The following TEX9 variants were observed in gnomAD, a reference collection of about 807,000 sequenced individuals.
The protein encoded by TEX9 is testis expressed 9.
TEX9 carries 74 observed loss-of-function variants against 59.6 expected under a neutral mutation model. The ratio of observed to expected loss-of-function variants is 1.24; its 90% CI spans 1.03 to 1.51. The LOEUF (loss-of-function observed/expected upper bound fraction) is 1.51. Among genes scored for constraint, TEX9 ranks in the 40% most tolerant of loss-of-function variants. The probability of loss-of-function intolerance (pLI) is 0.00; values close to 1 mark genes in which losing one functional copy is unlikely to be tolerated. For synonymous variants in TEX9, 186 were observed against 152.2 expected (o/e 1.22, Z -1.64); for missense variants, 522 against 447.8 (o/e 1.17, Z -1.49).
intron 1 of TEX9, among the ~76,000 whole-genome samples, chr15:56,292,710 T>C (rs1405744992): frequency 7.2e-5 from 11 of 152,180 alleles, no homozygotes; most frequent in Non-Finnish European, 1.5e-5. Context: ...CACTAGGAGC[T>C]GCCTTACCTA....
At chr15:56,284,911 A>G (rs2044912709) in intron 1 of TEX9, among the ~76,000 whole-genome samples, 1 of 152,140 alleles carries the variant, frequency 6.6e-6, no homozygotes, top group Non-Finnish European at 1.5e-5. Flanking sequence ...TATTCTCTAT[A>G]TGATTTTAAT....
chr15:56,261,129 T>C (rs2044255263), intron 1 of TEX9, among the ~76,000 whole-genome samples: 1 of 152,180 alleles, frequency 6.6e-6, no homozygotes, highest in Non-Finnish European at 1.5e-5. Context: ...TGATTGGTCT[T>C]GCTAAGAGTT....
chr15:56,313,690 TTTTC>T (rs1223089288), intron 1 of TEX9, among the ~76,000 whole-genome samples: 1 of 138,782 alleles, frequency 7.2e-6, no homozygotes, highest in Non-Finnish European at 1.6e-5. Context: ...GATTCCCTCT[TTTTC>T]TATTGATTGG....
rs143164153 is a variant in TEX9, at chr15:56,306,296, A to G, written c.-107+62018A>G. 9.5e-3 allele frequency among the ~76,000 whole-genome samples: 1,422 copies of G among 149,698 alleles called. 22 individuals are homozygous for G. Among genetic ancestry groups the G allele is most frequent in the African/African-American group, 0.033 (1,353 of 40,750 alleles). ...AAAAAAAAGGAAATCAGTGTATCAA[A>G]GAGATATCTGCACTTCCATGTGCAT... On this transcript the variant is annotated intron_variant, in intron 1 of 5. Coordinates refer to the TEX9 transcript ENST00000560827.
chr15:56,395,449 T>C (rs2048421542), intron 9 of TEX9: 1 of 152,186 alleles, frequency 6.6e-6, no homozygotes, highest in East Asian at 1.9e-4. Flanking sequence ...TGTACAAGTT[T>C]TTGTGTGCAC....
At chr15:56,357,760 T>G (rs1360295889) in intron 1 of TEX9, among the ~76,000 whole-genome samples, 1 of 152,182 alleles carries the variant, frequency 6.6e-6, no homozygotes, top group Non-Finnish European at 1.5e-5. Context: ...ATTTATCATA[T>G]TTGCCTGGTC....
At chr15:56,431,317 G>GTT (rs555590139) in intron 12 of TEX9, 1 of 1,576,952 alleles carries the variant, frequency 6.3e-7, no homozygotes, top group South Asian at 1.2e-5. Context: ...CAAATACCAT[G>GTT]TTTTTTTCAC....
At chr15:56,460,007 A>AT in the TEX9 span, among the ~76,000 whole-genome samples, 1 of 27,634 alleles carries the variant, frequency 3.6e-5, no homozygotes, top group African/African-American at 1.3e-4. Context: ...AAAAAAAAAA[A>AT]AAATACATAT....
chr15:56,444,623 T>G (rs1278794415), intron 12 of TEX9: 3 of 1,613,418 alleles, frequency 1.9e-6, no homozygotes, highest in Non-Finnish European at 2.5e-6. Context: ...CTTCCTTTAT[T>G]ATTCTCTTGT....
At chr15:56,370,145 A>G (rs1016511545) in intron 2 of TEX9, among the ~76,000 whole-genome samples, 7 of 152,064 alleles carry the variant, frequency 4.6e-5, no homozygotes, top group Non-Finnish European at 8.8e-5. Flanking sequence ...ATTTTCTATT[A>G]TGTCTTGTCT....
chr15:56,414,446 G>A (rs1278807628), intron 10 of TEX9, among the ~76,000 whole-genome samples: 2 of 151,530 alleles, frequency 1.3e-5, no homozygotes, highest in African/African-American at 4.9e-5. Flanking sequence ...TTTGTGTTCT[G>A]TAAGTTCTTA....
At chr15:56,256,545 A>G (rs1460897667) in intron 1 of TEX9, among the ~76,000 whole-genome samples, 2 of 152,058 alleles carry the variant, frequency 1.3e-5, no homozygotes, top group Non-Finnish European at 2.9e-5. Flanking sequence ...GGAAAAAAAC[A>G]TGAATAAAAT....
chr15:56,413,642 T>C (rs1176128044), intron 10 of TEX9, among the ~76,000 whole-genome samples: 1 of 151,778 alleles, frequency 6.6e-6, no homozygotes, highest in Non-Finnish European at 1.5e-5. Context: ...AGTAGAATTA[T>C]ACCATATTTG....
intron 3 of TEX9, among the ~76,000 whole-genome samples, chr15:56,377,382 A>T (rs1341099457): frequency 6.6e-6 from 1 of 152,282 alleles, no homozygotes. Context: ...TTTCTAATCC[A>T]TGAACTGGAA....
At chr15:56,405,284 G>T (rs1303873123) in intron 9 of TEX9, among the ~76,000 whole-genome samples, 1 of 150,120 alleles carries the variant, frequency 6.7e-6, no homozygotes, top group African/African-American at 2.5e-5. Context: ...TCCAGCCTGG[G>T]TGACAGAGCA....
chr15:56,341,318 C>T (rs1289814505), intron 1 of TEX9, among the ~76,000 whole-genome samples: 2 of 152,156 alleles, frequency 1.3e-5, no homozygotes, highest in Admixed American at 6.5e-5. Flanking sequence ...ATTACACAGG[C>T]CAGTGCATCT....
chr15:56,247,218 C>G (rs1383850877), intron 1 of TEX9, among the ~76,000 whole-genome samples: 2 of 152,078 alleles, frequency 1.3e-5, no homozygotes, highest in East Asian at 3.9e-4. Flanking sequence ...ATTTATCATG[C>G]CTGATATATA....
intron 3 of TEX9, among the ~76,000 whole-genome samples, chr15:56,379,097 A>G (rs568996447): frequency 2.6e-4 from 40 of 151,624 alleles, no homozygotes; most frequent in African/African-American, 9.4e-4. Flanking sequence ...AAGAAAGAAA[A>G]AAAAAGAAAA....
At chr15:56,249,767 AAGAG>A (rs1342483558) in intron 1 of TEX9, among the ~76,000 whole-genome samples, 1 of 151,012 alleles carries the variant, frequency 6.6e-6, no homozygotes, top group African/African-American at 2.4e-5. Context: ...AAAAAAAAAA[AAGAG>A]GAAAGAAGAA....
Sources: allele counts gnomAD v4.1 joint callset (sites outside exome capture counted in the v4.1 genomes callset), GRCh38; gene constraint gnomAD v4.1.1; transcripts MANE v1.5; gene names NCBI Gene and HGNC (gene_info 2026-07-23, HGNC 2026-07-21).